The following MALRD1 variants were observed in gnomAD, a reference collection of about 807,000 sequenced individuals.
MALRD1 encodes MAM and LDL-receptor class A domain-containing protein 1.
A neutral mutation model predicts 242.1 loss-of-function variants in MALRD1; 247 were observed. The observed-to-expected ratio is 1.02, with a 90% CI of 0.92 to 1.13. The LOEUF is 1.13. Among genes scored for constraint, MALRD1 ranks in the 50% most tolerant of loss-of-function variants. MALRD1 has a pLI of 0.00. For synonymous variants in MALRD1, 995 were observed against 866.6 expected (o/e 1.15, Z -2.60); for missense variants, 2,989 against 2,533.1 (o/e 1.18, Z -3.86).
intron 36 of MALRD1, among the ~76,000 whole-genome samples, chr10:19,683,514 A>G (rs542919234): frequency 1.4e-4 from 21 of 152,318 alleles, no homozygotes; most frequent in African/African-American, 4.8e-4. Context: ...CCAAAGCCAC[A>G]TAGCTAGAAA....
chr10:19,543,433 C>CTTTTTTTTTTTTTTTTTTTTTTTT (rs71388849), intron 32 of MALRD1, among the ~76,000 whole-genome samples: 2 of 106,408 alleles, frequency 1.9e-5, no homozygotes, highest in African/African-American at 3.4e-5. Flanking sequence ...CAGCTGATTT[C>CTTTTTTTTTTTTTTTTTTTTTTTT]TTTTTTTTTT....
chr10:19,363,089 G>A (rs1452541811), intron 26 of MALRD1, among the ~76,000 whole-genome samples: 1 of 152,098 alleles, frequency 6.6e-6, no homozygotes, highest in East Asian at 1.9e-4. Context: ...GGCACGTACA[G>A]ATGTCAACTC....
intron 19 of MALRD1, among the ~76,000 whole-genome samples, chr10:19,260,852 C>G (rs1482800617): frequency 6.6e-6 from 1 of 152,080 alleles, no homozygotes; most frequent in African/African-American, 2.4e-5. Flanking sequence ...ATAATGTTCA[C>G]CACTAGTGTT....
chr10:19,653,438 G>A (rs905257952), intron 36 of MALRD1, among the ~76,000 whole-genome samples: 1 of 152,030 alleles, frequency 6.6e-6, no homozygotes, highest in African/African-American at 2.4e-5. Flanking sequence ...GTCTTAAGCA[G>A]TCCACCCACT....
chr10:19,160,190 A>C (rs1294629325), intron 12 of MALRD1, among the ~76,000 whole-genome samples: 1 of 152,084 alleles, frequency 6.6e-6, no homozygotes, highest in African/African-American at 2.4e-5. Flanking sequence ...GAATTTTGTC[A>C]AAGGCTTTTT....
chr10:19,625,320 C>CTT (rs35462096), intron 36 of MALRD1, among the ~76,000 whole-genome samples: 41 of 151,582 alleles, frequency 2.7e-4, no homozygotes, highest in South Asian at 4.2e-4. Context: ...TGGCTGTTTC[C>CTT]TTTTTTTTAA....
intron 18 of MALRD1, among the ~76,000 whole-genome samples, chr10:19,251,331 C>T (rs925751073): frequency 6.6e-6 from 1 of 151,972 alleles, no homozygotes; most frequent in African/African-American, 2.4e-5. Flanking sequence ...CATTTGCTTA[C>T]ATTCCAGAGT....
chr10:19,705,979 C>T (rs750554082), intron 38 of MALRD1, among the ~76,000 whole-genome samples: 2 of 151,726 alleles, frequency 1.3e-5, no homozygotes, highest in Non-Finnish European at 2.9e-5. Context: ...TGATATATGA[C>T]TTGAAGGTCA....
At chr10:19,670,165 T>C (rs550162707) in intron 36 of MALRD1, among the ~76,000 whole-genome samples, 2 of 152,260 alleles carry the variant, frequency 1.3e-5, no homozygotes, top group Admixed American at 6.5e-5. Flanking sequence ...ACTACATGTT[T>C]CTAGTTTGAA....
intron 28 of MALRD1, among the ~76,000 whole-genome samples, chr10:19,413,750 G>A (rs926043878): frequency 2.0e-5 from 3 of 151,702 alleles, no homozygotes; most frequent in African/African-American, 7.3e-5. Context: ...TTGGGAGGCC[G>A]AGGCGAGTGG....
chr10:19,428,306 T>C (rs181227453), intron 28 of MALRD1, among the ~76,000 whole-genome samples: 1 of 152,210 alleles, frequency 6.6e-6, no homozygotes, highest in African/African-American at 2.4e-5. Context: ...CTTCTCTTTT[T>C]TCTTTTCTTA....
intron 21 of MALRD1, among the ~76,000 whole-genome samples, chr10:19,317,946 C>A (rs1171970841): frequency 6.6e-6 from 1 of 151,976 alleles, no homozygotes; most frequent in East Asian, 1.9e-4. Context: ...TTTTCTTAAA[C>A]CTTTACTACT....
intron 31 of MALRD1, among the ~76,000 whole-genome samples, chr10:19,527,055 A>T (rs1368039550): frequency 6.6e-6 from 1 of 152,198 alleles, no homozygotes; most frequent in African/African-American, 2.4e-5. Context: ...TACATATATT[A>T]CTGTTTCCAT....
chr10:19,541,263 G>C (rs1342228872), intron 32 of MALRD1, among the ~76,000 whole-genome samples: 1 of 152,156 alleles, frequency 6.6e-6, no homozygotes, highest in African/African-American at 2.4e-5. Context: ...ATCAATGGTA[G>C]CTTTGGAGAA....
Position 19,083,617 on chromosome 10 carries a change from C to T in MALRD1, c.341-4223C>T, listed in dbSNP as rs146771547. ...AGATGGCATTTTAATTGTGGTCTTT[C>T]AGAGAACCAAAAGACAGGTCAAATA... On this transcript the variant is annotated intron_variant, in intron 2 of 39. Transcript: ENST00000454679. Among the ~76,000 whole-genome samples, 1,067 of 151,978 alleles carry T rather than the reference C, an allele frequency of 7.0e-3. 10 individuals carry two copies. Among genetic ancestry groups the T allele is most frequent in the African/African-American group, 0.025 (1,024 of 41,478 alleles).
chr10:19,387,528 G>T lies in MALRD1; in HGVS notation c.4442G>T (p.Gly1481Val), dbSNP rs764343969. 5.2e-6 allele frequency: 8 copies of T among 1,549,294 alleles called. No homozygotes were observed. In the South Asian group the frequency reaches 8.3e-5, roughly 16 times the overall value. Residue 1481 changes from glycine (G) to valine (V), a missense_variant and splice_region_variant, in exon 27 of 40, where the codon GGT becomes GTT. Gly to Val is a moderately radical substitution (Grantham distance 109). Coordinates refer to ENST00000454679, the MANE Select transcript of MALRD1 (RefSeq NM_001142308.3). Reference sequence around the variant, plus strand: ...CTTGTTTTCTTTTGTTTTGTTTTAGGTTTCTGCCCACTTGGCTATAGGGAA... The same window carrying T: ...CTTGTTTTCTTTTGTTTTGTTTTAGTTTTCTGCCCACTTGGCTATAGGGAA... ...QEELAVPLPT[G>V]FCPLGYRECH... is the part of the protein sequence containing the mutation.
intron 1 of MALRD1, among the ~76,000 whole-genome samples, chr10:19,054,531 C>T (rs186295198): frequency 8.1e-4 from 124 of 152,266 alleles, no homozygotes; most frequent in South Asian, 4.6e-3. Context: ...CTATCCGAAA[C>T]TTTGTGACTT....
At chr10:19,722,149 AGAT>A (rs1160463590) in intron 38 of MALRD1, 1 of 152,168 alleles carries the variant, frequency 6.6e-6, no homozygotes, top group East Asian at 1.9e-4. Flanking sequence ...TGTGACAGAG[AGAT>A]GAGGAAACCA....
At chr10:19,636,694 TTCAA>T (rs1840142246) in intron 36 of MALRD1, among the ~76,000 whole-genome samples, 4 of 151,032 alleles carry the variant, frequency 2.6e-5, no homozygotes, top group Admixed American at 1.3e-4. Context: ...AGGTCAGGAG[TTCAA>T]GACCAGCCAA....
Sources: allele counts gnomAD v4.1 joint callset (sites outside exome capture counted in the v4.1 genomes callset), GRCh38; gene constraint gnomAD v4.1.1; transcripts MANE v1.5; gene names NCBI Gene and HGNC (gene_info 2026-07-23, HGNC 2026-07-21).